The following LRMDA variants were observed in gnomAD, a reference collection of about 807,000 sequenced individuals.
The protein encoded by LRMDA is leucine-rich melanocyte differentiation-associated protein.
A neutral mutation model predicts 29.8 loss-of-function variants in LRMDA; 18 were observed. The observed-to-expected ratio is 0.60, with a 90% CI of 0.42 to 0.90. LRMDA has a LOEUF of 0.90. Ranked by LOEUF, LRMDA falls within the 40% of genes least tolerant of loss-of-function variation. The probability of loss-of-function intolerance (pLI) is 0.00; values close to 1 mark genes in which losing one functional copy is unlikely to be tolerated. For missense variants in LRMDA, 273 were observed against 273.9 expected (o/e 1.00, Z 0.02); for synonymous variants, 125 against 109.4 (o/e 1.14, Z -0.89).
intron 2 of LRMDA, among the ~76,000 whole-genome samples, chr10:75,966,611 G>A (rs745378052): frequency 3.9e-5 from 6 of 152,182 alleles, no homozygotes; most frequent in Admixed American, 6.5e-5. Flanking sequence ...TAACAAATGA[G>A]TGAATCCATT....
chr10:75,660,134 C>T (rs1481268469), intron 2 of LRMDA, among the ~76,000 whole-genome samples: 1 of 152,090 alleles, frequency 6.6e-6, no homozygotes, highest in Non-Finnish European at 1.5e-5. Flanking sequence ...CAGGATACAC[C>T]TTTTGTGTTC....
chr10:75,802,526 G>A (rs556266414), intron 2 of LRMDA, among the ~76,000 whole-genome samples: 5 of 152,216 alleles, frequency 3.3e-5, no homozygotes, highest in East Asian at 3.9e-4. Flanking sequence ...TAAAGCTGCC[G>A]TTCTGTCCTT....
intron 5 of LRMDA, among the ~76,000 whole-genome samples, chr10:76,087,721 A>T (rs1036389767): frequency 3.9e-5 from 6 of 152,168 alleles, no homozygotes; most frequent in African/African-American, 1.4e-4. Context: ...GGACCAATGA[A>T]CTGCAAATAG....
At chr10:75,444,860 A>T (rs1368098530) in intron 2 of LRMDA, among the ~76,000 whole-genome samples, 2 of 152,186 alleles carry the variant, frequency 1.3e-5, no homozygotes, top group African/African-American at 2.4e-5. Flanking sequence ...CAAATACTTT[A>T]AAAAATGATG....
chr10:76,102,654 T>TTTTG (rs903438050), intron 5 of LRMDA, among the ~76,000 whole-genome samples: 10 of 152,276 alleles, frequency 6.6e-5, no homozygotes, highest in African/African-American at 9.6e-5. Context: ...TCTTTTGTTT[T>TTTTG]TTTGTTTGTT....
chr10:75,976,822 C>G (rs970650502), intron 2 of LRMDA, among the ~76,000 whole-genome samples: 4 of 152,156 alleles, frequency 2.6e-5, no homozygotes, highest in African/African-American at 9.7e-5. Flanking sequence ...ATTCAAGGCT[C>G]CAGAGCATGT....
intron 5 of LRMDA, among the ~76,000 whole-genome samples, chr10:76,316,747 CTA>C (rs1245086868): frequency 6.6e-6 from 1 of 152,190 alleles, no homozygotes; most frequent in African/African-American, 2.4e-5. Flanking sequence ...TGATTATGTT[CTA>C]TGTTTGAATA....
At chr10:76,216,936 A>T (rs188490252) in intron 5 of LRMDA, among the ~76,000 whole-genome samples, 1 of 152,354 alleles carries the variant, frequency 6.6e-6, no homozygotes, top group Non-Finnish European at 1.5e-5. Context: ...TACACCAGTT[A>T]AAACAAGTGA....
At chr10:76,037,510 A>G (rs1250256582) in intron 3 of LRMDA, among the ~76,000 whole-genome samples, 1 of 152,242 alleles carries the variant, frequency 6.6e-6, no homozygotes, top group East Asian at 1.9e-4. Flanking sequence ...TTATTCTCTC[A>G]GATATTGTCT....
chr10:76,479,634 C>T (rs1387395298), intron 6 of LRMDA, among the ~76,000 whole-genome samples: 1 of 151,908 alleles, frequency 6.6e-6, no homozygotes, highest in Non-Finnish European at 1.5e-5. Context: ...CATGGTTGAA[C>T]TCTGAAGGGC....
At chr10:75,892,433 A>G (rs1359532615) in intron 2 of LRMDA, among the ~76,000 whole-genome samples, 3 of 152,228 alleles carry the variant, frequency 2.0e-5, no homozygotes, top group East Asian at 1.9e-4. Context: ...CCAACTCACT[A>G]CTTACAGGTG....
intron 5 of LRMDA, among the ~76,000 whole-genome samples, chr10:76,205,954 G>A (rs1166598035): frequency 1.3e-5 from 2 of 152,106 alleles, no homozygotes; most frequent in African/African-American, 2.4e-5. Context: ...TACTGAATTA[G>A]CATCCACCTT....
intron 2 of LRMDA, among the ~76,000 whole-genome samples, chr10:75,692,228 A>T (rs1589160004): frequency 8.1e-6 from 1 of 123,922 alleles, no homozygotes; most frequent in African/African-American, 4.2e-5. Context: ...AAATATATAT[A>T]TATATATATA....
At chr10:76,015,789 T>G (rs561609189) in intron 2 of LRMDA, among the ~76,000 whole-genome samples, 1 of 152,370 alleles carries the variant, frequency 6.6e-6, no homozygotes, top group Admixed American at 6.5e-5. Flanking sequence ...ATTGGCTATC[T>G]TTAATCATTA....
At chr10:76,487,863 C>CAATTAATATTACCA (rs1347417054) in intron 6 of LRMDA, among the ~76,000 whole-genome samples, 2 of 151,862 alleles carry the variant, frequency 1.3e-5, no homozygotes, top group African/African-American at 4.8e-5. Flanking sequence ...AATGTCTATA[C>CAATTAATATTACCA]AATTAATATT....
At chr10:75,902,586 A>T (rs1156338027) in intron 2 of LRMDA, among the ~76,000 whole-genome samples, 1 of 152,128 alleles carries the variant, frequency 6.6e-6, no homozygotes, top group East Asian at 1.9e-4. Context: ...TTCAACACTC[A>T]CTTGGCACTG....
intron 6 of LRMDA, among the ~76,000 whole-genome samples, chr10:76,545,185 T>A (rs1196821636): frequency 6.6e-6 from 1 of 151,016 alleles, no homozygotes; most frequent in African/African-American, 2.4e-5. Context: ...TATTTTGTTT[T>A]TTTTTTTTTG....
chr10:75,644,110 C>T (rs1333346167), intron 2 of LRMDA, among the ~76,000 whole-genome samples: 1 of 152,046 alleles, frequency 6.6e-6, no homozygotes, highest in Non-Finnish European at 1.5e-5. Context: ...GAAATAGGAC[C>T]CAGGAACACT....
At chr10:76,315,116 G>A (rs754084476) in intron 5 of LRMDA, among the ~76,000 whole-genome samples, 1 of 152,192 alleles carries the variant, frequency 6.6e-6, no homozygotes, top group East Asian at 1.9e-4. Context: ...ATACTAGCTG[G>A]GTTTTCTTGG....
Sources: allele counts gnomAD v4.1 joint callset (sites outside exome capture counted in the v4.1 genomes callset), GRCh38; gene constraint gnomAD v4.1.1; transcripts MANE v1.5; gene names NCBI Gene and HGNC (gene_info 2026-07-23, HGNC 2026-07-21).